Variants in TMEM232 observed in about 807,000 individuals in gnomAD.
TMEM232 encodes transmembrane protein 232.
TMEM232 carries 80 observed loss-of-function variants against 78.8 expected under a neutral mutation model. That is an observed-to-expected ratio of 1.01 (90% confidence interval 0.85 to 1.22). TMEM232 has a LOEUF of 1.22. Among genes scored for constraint, TMEM232 ranks in the 50% most tolerant of loss-of-function variants. The pLI is 0.00. For synonymous variants in TMEM232, 297 were observed against 254.3 expected (o/e 1.17, Z -1.60); for missense variants, 881 against 742.2 (o/e 1.19, Z -2.17).
At chr5:110,524,225 C>A (rs1367877624) in intron 12 of TMEM232, among the ~76,000 whole-genome samples, 1 of 139,716 alleles carries the variant, frequency 7.2e-6, no homozygotes, top group African/African-American at 2.7e-5. Flanking sequence ...TCCACCACTG[C>A]ACTCCAGCTT....
rs1037642730 is a variant in TMEM232, at chr5:110,638,322, T to C, written c.377A>G (p.His126Arg). The stretch of plus-strand genomic sequence containing the variant: ...CAGATGATCATAATCAAAGGAAGCA[T>C]GGTCCAGAGATGCATAAAGCATATT... ...SLNMLYASLD[H>R]ASFDYDHLPA... Residue 126 changes from histidine (H) to arginine (R), a missense_variant, in exon 5 of 14, where the codon CAT becomes CGT. Physicochemically the swap from His to Arg is conservative, Grantham distance 29. Coordinates refer to ENST00000455884, the MANE Select transcript of TMEM232 (RefSeq NM_001039763.4). 6.4e-7 allele frequency: 1 copy of C among 1,550,696 alleles called. No individual in the cohort carries two copies. The highest frequency in any genetic ancestry group is 2.5e-5 in the East Asian group (1 of 40,814).
At chr5:110,435,728 G>A (rs1333541093) in intron 12 of TMEM232, among the ~76,000 whole-genome samples, 4 of 151,726 alleles carry the variant, frequency 2.6e-5, no homozygotes. Context: ...TCTGTGCCTG[G>A]CTTATTTCAC....
At chr5:110,682,044 T>G (rs928285986) in intron 1 of TMEM232, among the ~76,000 whole-genome samples, 2 of 152,182 alleles carry the variant, frequency 1.3e-5, no homozygotes, top group Non-Finnish European at 2.9e-5. Flanking sequence ...AAGACACATT[T>G]TTTTTACTTT....
chr5:110,504,121 TATA>T (rs1195636083), intron 12 of TMEM232, among the ~76,000 whole-genome samples: 3 of 152,212 alleles, frequency 2.0e-5, no homozygotes, highest in South Asian at 4.1e-4. Flanking sequence ...CTATTTTAAA[TATA>T]ATAATCACTT....
chr5:110,469,446 A>C (rs1762434273), intron 12 of TMEM232, among the ~76,000 whole-genome samples: 1 of 152,164 alleles, frequency 6.6e-6, no homozygotes, highest in African/African-American at 2.4e-5. Context: ...CTGCCTCCTC[A>C]GAGACCAAGC....
chr5:110,465,233 T>TATC (rs1054583483), intron 12 of TMEM232, among the ~76,000 whole-genome samples: 2 of 152,268 alleles, frequency 1.3e-5, no homozygotes, highest in African/African-American at 4.8e-5. Flanking sequence ...CAAAATATTA[T>TATC]ATCTGTGAGG....
At chr5:110,554,619 T>A (rs536242617) in intron 11 of TMEM232, among the ~76,000 whole-genome samples, 1 of 152,294 alleles carries the variant, frequency 6.6e-6, no homozygotes, top group South Asian at 2.1e-4. Context: ...GGTTTTCTTT[T>A]CCTGTTTGTT....
intron 11 of TMEM232, among the ~76,000 whole-genome samples, chr5:110,538,724 G>C (rs957698344): frequency 5.3e-5 from 8 of 152,058 alleles, no homozygotes; most frequent in Admixed American, 2.6e-4. Flanking sequence ...AGGGGCCTGG[G>C]GTCTTCCTCA....
rs73783637 is a variant in TMEM232 at position 110,547,027 on chromosome 5, A to T, written c.1456-18192T>A. 7.4e-3 allele frequency among the ~76,000 whole-genome samples: 1,126 copies of T among 152,206 alleles called. 11 individuals carry two copies. Among genetic ancestry groups the T allele is most frequent in the African/African-American group, 0.026 (1,086 of 41,566 alleles). On this transcript the variant is annotated intron_variant, in intron 11 of 13. Coordinates refer to ENST00000455884, the MANE Select transcript of TMEM232 (RefSeq NM_001039763.4). ...ATTATGCTCAAGTTTTACTTGTAAA[A>T]TTAAGCACAACTGTAAGATGTGCTT...
intron 7 of TMEM232, among the ~76,000 whole-genome samples, chr5:110,620,575 ATATCTCTCTC>A (rs1561399361): frequency 1.5e-5 from 1 of 65,136 alleles, no homozygotes; most frequent in Non-Finnish European, 2.9e-5. Context: ...TATGTCTCTC[ATATCTCTCTC>A]TCTCTCTCTC....
At chr5:110,664,532 T>C (rs1329340964) in intron 2 of TMEM232, among the ~76,000 whole-genome samples, 2 of 152,222 alleles carry the variant, frequency 1.3e-5, no homozygotes, top group South Asian at 2.1e-4. Context: ...GTATTCTTTA[T>C]TCAAGAAAAG....
intron 8 of TMEM232, among the ~76,000 whole-genome samples, chr5:110,612,602 T>C (rs1038576401): frequency 2.6e-5 from 4 of 152,124 alleles, no homozygotes; most frequent in Non-Finnish European, 5.9e-5. Context: ...ATACAGTTAA[T>C]TCCTTGTTTC....
chr5:110,511,011 A>G (rs1276805680), intron 12 of TMEM232, among the ~76,000 whole-genome samples: 1 of 152,170 alleles, frequency 6.6e-6, no homozygotes, highest in African/African-American at 2.4e-5. Context: ...TTATTGCAGC[A>G]CTATTCACAA....
At chr5:110,390,997 C>T (rs1755156095) in intron 3 of TMEM232, among the ~76,000 whole-genome samples, 1 of 152,158 alleles carries the variant, frequency 6.6e-6, no homozygotes, top group Non-Finnish European at 1.5e-5. Flanking sequence ...GAGTTAGAAC[C>T]AGTGGGGTTT....
chr5:110,480,159 C>A (rs1182246592), intron 12 of TMEM232, among the ~76,000 whole-genome samples: 1 of 151,540 alleles, frequency 6.6e-6, no homozygotes, highest in Non-Finnish European at 1.5e-5. Flanking sequence ...GTTAAGTAAG[C>A]ATAGCAGTCT....
chr5:110,450,712 G>A (rs563203984), intron 12 of TMEM232, among the ~76,000 whole-genome samples: 2 of 152,244 alleles, frequency 1.3e-5, no homozygotes, highest in Admixed American at 6.5e-5. Flanking sequence ...ACTCCTGGAT[G>A]TACCCACCCC....
chr5:110,620,215 G>T (rs1347599268), intron 7 of TMEM232, among the ~76,000 whole-genome samples: 1 of 151,984 alleles, frequency 6.6e-6, no homozygotes, highest in Non-Finnish European at 1.5e-5. Context: ...CTCATGTCTG[G>T]GATTGATTTG....
chr5:110,626,909 T>C (rs1434877255), intron 6 of TMEM232, among the ~76,000 whole-genome samples: 4 of 152,046 alleles, frequency 2.6e-5, no homozygotes, highest in Non-Finnish European at 1.5e-5. Context: ...GTTACACCAA[T>C]AATCCATTAA....
At chr5:110,631,723 A>G (rs1000106254) in intron 5 of TMEM232, among the ~76,000 whole-genome samples, 12 of 152,118 alleles carry the variant, frequency 7.9e-5, no homozygotes, top group African/African-American at 2.9e-4. Context: ...GAGAACAGGC[A>G]AGCTTGAGCT....
Sources: gnomAD v4.1 joint callset for allele counts (sites outside exome capture counted in the v4.1 genomes callset) on GRCh38, gnomAD v4.1.1 for gene constraint, MANE v1.5 for transcripts, NCBI Gene and HGNC (gene_info 2026-07-23, HGNC 2026-07-21) for gene names.